Variants in PCNX1 observed in about 807,000 individuals in gnomAD.
PCNX1 encodes the protein pecanex 1, also known as pecanex-like protein 1.
In PCNX1, 78 loss-of-function variants were observed where a neutral mutation model predicts 242.2. The ratio of observed to expected loss-of-function variants is 0.32; its 90% CI spans 0.27 to 0.39. The LOEUF (loss-of-function observed/expected upper bound fraction) is 0.39. Ranked by LOEUF, PCNX1 falls within the 10% of genes least tolerant of loss-of-function variation. The pLI, the probability that PCNX1 is intolerant of heterozygous loss-of-function variation, is 1.00. For synonymous variants in PCNX1, 1,024 were observed against 1,032.9 expected (o/e 0.99, Z 0.17); for missense variants, 2,581 against 2,856.5 (o/e 0.90, Z 2.20).
At chr14:70,924,646 G>A (rs1416134774) in intron 1 of PCNX1, among the ~76,000 whole-genome samples, 1 of 151,896 alleles carries the variant, frequency 6.6e-6, no homozygotes, top group African/African-American at 2.4e-5. Flanking sequence ...GGAGTGCATG[G>A]CGTGATCATG....
Position 71,013,211 on chromosome 14 carries a change from A to G in PCNX1, c.2996+9A>G, listed in dbSNP as rs2059870816. 3 of 1,560,710 alleles carry G rather than the reference A, an allele frequency of 1.9e-6. No individual in the cohort carries two copies. The highest frequency in any genetic ancestry group is 4.5e-5 in the East Asian group (2 of 44,610). On this transcript the variant is annotated intron_variant, in intron 11 of 35. Coordinates refer to ENST00000304743, the MANE Select transcript of PCNX1 (RefSeq NM_014982.3). ...TTGGCCCTGTTTGATAGGTGAGATTATAGTGTGATATTAATGATACGTGTG... is the reference window on the plus strand; with the variant it reads ...TTGGCCCTGTTTGATAGGTGAGATTGTAGTGTGATATTAATGATACGTGTG...
intron 23 of PCNX1, 107 bp downstream of exon 23, chr14:71,050,867 T>TTTTG: frequency 1.9e-6 from 2 of 1,057,392 alleles, no homozygotes; most frequent in Non-Finnish European, 2.7e-6. Context: ...TGTAATGAAT[T>TTTTG]ATCAAAAATT....
Position 70,907,893 on chromosome 14 carries a change from G to C in PCNX1, c.43G>C (p.Ala15Pro). 1 of 1,568,970 alleles carries C rather than the reference G, an allele frequency of 6.4e-7. No homozygotes were observed. Among genetic ancestry groups the C allele is most frequent in the Non-Finnish European group, 8.6e-7 (1 of 1,161,124 alleles). ...GCAGATCCTCCGACAGGGGGTGTGG[G>C]CCGCGCTCAGCGGGGGCTGGTACTA... is the stretch of plus-strand genomic sequence containing the variant. ...TLQILRQGVW[A>P]ALSGGWYYDP... The change falls in exon 1 of 36, where the codon GCC (alanine) becomes CCC (proline). Residue 15 changes from alanine (A) to proline (P), a missense_variant. Ala to Pro is a conservative substitution (Grantham distance 27). This residue lies in a region of PCNX1 where 1,204 missense variants were observed against 1,216.7 expected (regional missense o/e 0.99). Transcript: ENST00000304743.
rs1313152025 is a variant in PCNX1 at position 70,948,678 on chromosome 14, TGTGTATATATACAC to T, written c.362+1570_362+1583del. On this transcript the variant is annotated intron_variant, in intron 2 of 35. Transcript: ENST00000304743. ...GTATATATACACGTGTCTATATAGA[TGTGTATATATACAC>T]GTGTATATATACACACATACACATA... is the stretch of plus-strand genomic sequence containing the variant. 1.2e-3 allele frequency among the ~76,000 whole-genome samples: 188 copies of T among 150,438 alleles called. 2 individuals are homozygous for T. Among genetic ancestry groups the T allele is most frequent in the African/African-American group, 4.1e-3 (170 of 41,156 alleles).
intron 7 of PCNX1, among the ~76,000 whole-genome samples, chr14:70,990,436 C>T (rs1472253194): frequency 1.3e-5 from 2 of 151,544 alleles, no homozygotes; most frequent in Non-Finnish European, 2.9e-5. Context: ...TGGTGGTACG[C>T]ACCTGTAGTC....
chr14:71,098,509 C>CGTGTGTGTGTGTGTGTGT (rs3221474), intron 30 of PCNX1, among the ~76,000 whole-genome samples: 1 of 128,688 alleles, frequency 7.8e-6, no homozygotes, highest in African/African-American at 3.0e-5. Context: ...TAGATGTATT[C>CGTGTGTGTGTGTGTGTGT]GTGTGTGTGT....
rs111928119 is a variant in PCNX1, at chr14:71,099,220, G to A, written c.5590-2770G>A. Among the ~76,000 whole-genome samples, 26 of 149,810 alleles carry A rather than the reference G, an allele frequency of 1.7e-4. 3 individuals carry two copies. Among genetic ancestry groups the A allele is most frequent in the African/African-American group, 5.2e-4 (21 of 40,660 alleles). ...GTTGCCCAGGCTGGAGTGCAGTGGC[G>A]TGATCTCGGCTCACTGCAAGCTTGG... On this transcript the variant is annotated intron_variant, in intron 30 of 35. Transcript: ENST00000304743.
At chr14:70,908,960 C>T (rs2055703029) in intron 1 of PCNX1, among the ~76,000 whole-genome samples, 1 of 152,176 alleles carries the variant, frequency 6.6e-6, no homozygotes, top group African/African-American at 2.4e-5. Flanking sequence ...CTTAAGGCTT[C>T]ATATAAAATT....
At chr14:70,971,065 T>C (rs61988738) in intron 5 of PCNX1, among the ~76,000 whole-genome samples, 2,164 of 151,628 alleles carry the variant, frequency 0.014, 25 homozygotes, top group Middle Eastern at 0.034. Context: ...ATAATTCAAA[T>C]CTAGTTTTGA....
At chr14:70,972,514 G>A (rs1490773672) in intron 5 of PCNX1, among the ~76,000 whole-genome samples, 1 of 152,130 alleles carries the variant, frequency 6.6e-6, no homozygotes, top group Non-Finnish European at 1.5e-5. Flanking sequence ...GGTTTATGTG[G>A]CCTTTACTTC....
intron 1 of PCNX1, among the ~76,000 whole-genome samples, chr14:70,908,551 G>GGGGGTCGTCC (rs2055677650): frequency 6.6e-6 from 1 of 152,240 alleles, no homozygotes; most frequent in African/African-American, 2.4e-5. Context: ...GAGTGTGTGT[G>GGGGGTCGTCC]GGGGTCGTCC....
rs189154271 is a variant in PCNX1, at chr14:71,112,180, C to A, written c.*2245C>A. ...TCATTTTCCCACACAGAAAAAAAAT[C>A]TGACCTTTACATGATTTAATCTGAA... On this transcript the variant is annotated 3_prime_UTR_variant, in exon 36 of 36. Transcript: ENST00000304743. 38 of 152,436 alleles carry A rather than the reference C, an allele frequency of 2.5e-4. No homozygotes were observed. Among genetic ancestry groups the A allele is most frequent in the African/African-American group, 7.2e-4 (30 of 41,546 alleles). 9.4% of individuals were successfully genotyped at this position (152,436 alleles called of 1,614,324 possible). A position where few individuals can be genotyped will look rare whatever the true frequency, so the allele number is the denominator to read the frequency against.
intron 27 of PCNX1, among the ~76,000 whole-genome samples, chr14:71,074,345 T>C (rs562449266): frequency 1.1e-3 from 163 of 152,300 alleles, no homozygotes; most frequent in African/African-American, 3.7e-3. Flanking sequence ...GCTGTAATTT[T>C]GGGGTCCCCA....
At chr14:71,098,745 G>A (rs930689067) in intron 30 of PCNX1, among the ~76,000 whole-genome samples, 1 of 152,080 alleles carries the variant, frequency 6.6e-6, no homozygotes, top group Non-Finnish European at 1.5e-5. Context: ...AATCATATCA[G>A]CAGCAAAGAG....
intron 34 of PCNX1, 89 bp from the exon 35 acceptor site, chr14:71,109,363 C>G: frequency 8.6e-7 from 1 of 1,166,220 alleles, no homozygotes; most frequent in South Asian, 1.5e-5. Flanking sequence ...AAAGTAATTC[C>G]TCTCTGTGAA....
In PCNX1 at chr14:70,978,323, T is replaced by C. The variant is rs2058741329; in HGVS notation, c.1986T>C (p.Ala662=). 19 of 1,613,986 alleles carry C rather than the reference T, an allele frequency of 1.2e-5. No individual in the cohort carries two copies. Among genetic ancestry groups the C allele is most frequent in the Non-Finnish European group, 1.6e-5 (19 of 1,179,986 alleles). ...CAGACTCTGAACACACACACAAAGC[T>C]CATTTGGTTCCTGAAGGAACCAGCA... ...RGTDSEHTHK[A]HLVPEGTSKK... Residue 662 remains alanine, a synonymous_variant, in exon 6 of 36, where the codon GCT becomes GCC. Coordinates refer to ENST00000304743, the MANE Select transcript of PCNX1 (RefSeq NM_014982.3).
In PCNX1 at chr14:70,978,208, G is replaced by A; in HGVS notation, c.1871G>A (p.Ser624Asn). ...VQSAHQFSSDSSSSTTSHSCQ... is the reference protein window; with the variant it reads ...VQSAHQFSSDNSSSTTSHSCQ... Reference sequence around the variant, plus strand: ...TCTGCTCACCAGTTCAGCAGTGATAGCTCTTCTAGCACCACTTCTCATTCC... The same window carrying A: ...TCTGCTCACCAGTTCAGCAGTGATAACTCTTCTAGCACCACTTCTCATTCC... Residue 624 changes from serine (S) to asparagine (N), a missense_variant, in exon 6 of 36, where the codon AGC becomes AAC. Around this residue, in one of 9 missense-constraint regions of PCNX1, gnomAD observed 1,204 missense variants for 1,216.7 expected, o/e 0.99. Transcript: ENST00000304743. The A allele has an allele frequency of 1.2e-6, 2 of 1,614,072 alleles. No individual in the cohort carries two copies. The highest frequency in any genetic ancestry group is 1.7e-6 in the Non-Finnish European group (2 of 1,179,972).
intron 16 of PCNX1, chr14:71,032,016 A>G (rs1196883695): frequency 3.2e-6 from 3 of 924,620 alleles, no homozygotes; most frequent in Admixed American, 1.7e-5. Context: ...AGACACGGAC[A>G]CACACAAGGA....
chr14:70,913,428 CACTT>C (rs1432634386), intron 1 of PCNX1, among the ~76,000 whole-genome samples: 1 of 152,132 alleles, frequency 6.6e-6, no homozygotes, highest in South Asian at 2.1e-4. Flanking sequence ...CCTTGAAAAA[CACTT>C]AAGTCATTGA....
Sources: allele counts gnomAD v4.1 joint callset (sites outside exome capture counted in the v4.1 genomes callset), GRCh38; gene constraint gnomAD v4.1.1; regional missense constraint gnomAD v4.1.1; transcripts MANE v1.5; gene names NCBI Gene and HGNC (gene_info 2026-07-23, HGNC 2026-07-21).